The following SLC7A5 variants were observed in gnomAD, a reference collection of about 807,000 sequenced individuals.
The protein encoded by SLC7A5 is solute carrier family 7 member 5.
SLC7A5 carries 23 observed loss-of-function variants against 50.2 expected under a neutral mutation model. The observed-to-expected ratio is 0.46, with a 90% CI of 0.33 to 0.65. The LOEUF (loss-of-function observed/expected upper bound fraction) is 0.65. Ranked by LOEUF, SLC7A5 falls within the 30% of genes least tolerant of loss-of-function variation. SLC7A5 has a pLI of 0.02. For missense variants in SLC7A5, 578 were observed against 684.4 expected, an observed-to-expected ratio of 0.84 and a Z score of 1.73; for synonymous variants, 393 against 330.6, an observed-to-expected ratio of 1.19 and a Z score of -2.05.
chr16:87,835,789 A>G (rs1192042732), intron 8 of SLC7A5, among the ~76,000 whole-genome samples: 1 of 152,204 alleles, frequency 6.6e-6, no homozygotes, highest in Non-Finnish European at 1.5e-5. Context: ...CCCGTTCAAC[A>G]GCATTCACAG....
intron 7 of SLC7A5, chr16:87,837,624 T>C (rs936228502): frequency 1.9e-6 from 1 of 540,214 alleles, no homozygotes; most frequent in Non-Finnish European, 3.3e-6. Flanking sequence ...GCATTTCCGA[T>C]GGTCTGAATC....
At chr16:87,854,114 CAA>C (rs2055281241) in intron 1 of SLC7A5, 1 of 133,514 alleles carries the variant, frequency 7.5e-6, no homozygotes, top group African/African-American at 3.1e-5. Flanking sequence ...TGCCCAGTTC[CAA>C]CCCAGCCGCT....
chr16:87,836,901 G>A (rs1196539891), intron 7 of SLC7A5: 3 of 515,020 alleles, frequency 5.8e-6, no homozygotes, highest in Admixed American at 6.3e-5. Flanking sequence ...GGGAGGAGAG[G>A]AGGAAATGGA....
At position 87,860,385 on chromosome 16, in the gene SLC7A5, CACACACACACACACAT is replaced by C. The variant is rs1257445505; in HGVS notation, c.538+8484_538+8499del. On this transcript the variant is annotated intron_variant, in intron 1 of 9. Transcript: ENST00000261622. The surrounding 1 kb of genome is among the most constrained non-coding windows in gnomAD (Gnocchi z 4.8). ...ACACACACACACACACACACACACA[CACACACACACACACAT>C]ATATATATAAAGAAAAAGGAAATCT... is the stretch of plus-strand genomic sequence containing the variant. Among the ~76,000 whole-genome samples, 189 of 129,862 alleles carry C rather than the reference CACACACACACACACAT, an allele frequency of 1.5e-3. 7 individuals are homozygous for C. The highest frequency in any genetic ancestry group is 0.011 in the South Asian group (46 of 4,114). 85.2% of individuals were successfully genotyped at this position (129,862 alleles called of 152,430 possible). A position where few individuals can be genotyped will look rare whatever the true frequency, so the allele number is the denominator to read the frequency against.
intron 6 of SLC7A5, among the ~76,000 whole-genome samples, 199 bp downstream of exon 6, chr16:87,838,515 A>T (rs535600850): frequency 6.6e-6 from 1 of 152,054 alleles, no homozygotes; most frequent in Non-Finnish European, 1.5e-5. Flanking sequence ...CTGGTCTCGA[A>T]CTCCTGAGCT....
In SLC7A5 at chr16:87,852,986, C is replaced by G. The variant is rs919017308; in HGVS notation, c.539-1137G>C. Among the ~76,000 whole-genome samples the G allele has an allele frequency of 1.3e-5, 2 of 152,208 alleles. No homozygotes were observed. The highest frequency in any genetic ancestry group is 2.9e-5 in the Non-Finnish European group (2 of 68,044). On this transcript the variant is annotated intron_variant, in intron 1 of 9. Transcript: ENST00000261622. The surrounding 1 kb of genome is among the most constrained non-coding windows in gnomAD (Gnocchi z 4.5). The stretch of plus-strand genomic sequence containing the variant: ...ATCTGCCAGTGGGAACGTCTACACC[C>G]CAGAAGTGGGCAAAGGCCCAGCACG...
chr16:87,835,243 G>A (rs2054984379), intron 8 of SLC7A5, among the ~76,000 whole-genome samples: 1 of 152,220 alleles, frequency 6.6e-6, no homozygotes, highest in Non-Finnish European at 1.5e-5. Flanking sequence ...TGACTGCCCT[G>A]TCCCCAGGGA....
chr16:87,861,373 C>T lies in SLC7A5; in HGVS notation c.538+7512G>A, dbSNP rs1446942350. 6.6e-6 allele frequency among the ~76,000 whole-genome samples: 1 copy of T among 152,174 alleles called. No individual in the cohort carries two copies. The highest frequency in any genetic ancestry group is 1.5e-5 in the Non-Finnish European group (1 of 68,012). ...GGCCACCCAGTCTTGCTGACTGACA[C>T]CTCCCCAGACCCCTGGCACCCACCA... On this transcript the variant is annotated intron_variant, in intron 1 of 9. Transcript: ENST00000261622. This position sits in a 1 kb window ranked among gnomAD's most constrained non-coding sequence, Gnocchi z 4.2.
At chr16:87,840,278 C>T (rs575415987) in intron 4 of SLC7A5, 151 bp downstream of exon 4, 26 of 731,258 alleles carry the variant, frequency 3.6e-5, no homozygotes, top group South Asian at 2.3e-4. Flanking sequence ...AGAAGCCACC[C>T]GCCCCACATC....
chr16:87,869,415 C>A lies in SLC7A5; in HGVS notation c.8G>T (p.Gly3Val). Reference sequence around the variant, plus strand: ...TAGCGCGCGCCGCTTCGGGCCCGCACCCGCCATGCTCTGCGCACCGGCCGG... The same window carrying A: ...TAGCGCGCGCCGCTTCGGGCCCGCAACCGCCATGCTCTGCGCACCGGCCGG... MA[G>V]AGPKRRALAA... is the part of the protein sequence containing the mutation. Residue 3 changes from glycine (G) to valine (V), a missense_variant, in exon 1 of 10, where the codon GGT (glycine) becomes GTT (valine). By Grantham distance (109) the Gly-to-Val change is moderately radical. This residue lies in a region of SLC7A5 where 113 missense variants were observed against 89.8 expected (regional missense o/e 1.26). Transcript: ENST00000261622. 2.0e-6 allele frequency: 3 copies of A among 1,509,244 alleles called. No individual in the cohort carries two copies. The highest frequency in any genetic ancestry group is 2.6e-6 in the Non-Finnish European group (3 of 1,135,320). 93.5% of individuals were successfully genotyped at this position (1,509,244 alleles called of 1,614,324 possible).
chr16:87,850,881 G>A (rs1404685289), intron 2 of SLC7A5, among the ~76,000 whole-genome samples: 1 of 152,222 alleles, frequency 6.6e-6, no homozygotes, highest in East Asian at 1.9e-4. Context: ...CAGATCTATG[G>A]AGTGTGTGTT....
Position 87,834,402 on chromosome 16 carries a change from C to T in SLC7A5, c.1468+12G>A, listed in dbSNP as rs765952818. ...GAGGGTACCACGGGCTGTGGGCCAG[C>T]GAGATACTCACAGATGCCCTGGAGG... On this transcript the variant is annotated intron_variant, in intron 9 of 9. Coordinates refer to ENST00000261622, the MANE Select transcript of SLC7A5 (RefSeq NM_003486.7). 5.2e-6 allele frequency: 8 copies of T among 1,551,860 alleles called. No homozygotes were observed. The highest frequency in any genetic ancestry group is 2.4e-5 in the East Asian group (1 of 41,068).
At position 87,839,744 on chromosome 16, in the gene SLC7A5, G is replaced by C. The variant is rs776082625; in HGVS notation, c.897C>G (p.Thr299=). 15 of 1,613,762 alleles carry C rather than the reference G, an allele frequency of 9.3e-6. No individual in the cohort carries two copies. In the African/African-American group the frequency reaches 1.7e-4, roughly 19 times the overall value. ...YVLTNLAYFT[T]LSTEQMLSSE... is the part of the protein sequence containing the mutation. ...ACGACAGCATCTGCTCGGTGGACAG[G>C]GTGGTGAAGTAGGCCAGGTTGGTCA... Residue 299 remains threonine (T), a synonymous_variant, in exon 5 of 10, where the codon ACC becomes ACG. Coordinates refer to ENST00000261622, the MANE Select transcript of SLC7A5 (RefSeq NM_003486.7).
rs1007767891 is a variant in SLC7A5, at chr16:87,841,458, C to A, written c.665-303G>T. 2.6e-5 allele frequency among the ~76,000 whole-genome samples: 4 copies of A among 152,290 alleles called. No homozygotes were observed. The highest frequency in any genetic ancestry group is 9.6e-5 in the African/African-American group (4 of 41,558). ...CTACAGGAGGTCAGGATGGAGGGGT[C>A]AACCAGCCCCAGTTGCCTTCAAGAA... On this transcript the variant is annotated intron_variant, in intron 2 of 9. Transcript: ENST00000261622. This position sits in a 1 kb window ranked among gnomAD's most constrained non-coding sequence, Gnocchi z 4.8.
chr16:87,842,504 C>G (rs1189767081), intron 2 of SLC7A5, among the ~76,000 whole-genome samples: 5 of 152,262 alleles, frequency 3.3e-5, no homozygotes, highest in African/African-American at 1.2e-4. Flanking sequence ...CACCAGATTT[C>G]CTACGGCAGA....
At position 87,834,716 on chromosome 16, in the gene SLC7A5, T is replaced by C. The variant is rs2054976213; in HGVS notation, c.1291-125A>G. 5 of 947,304 alleles carry C rather than the reference T, an allele frequency of 5.3e-6. No individual in the cohort carries two copies. The East Asian group carries it at 1.3e-4, about 25-fold the overall frequency. 58.7% of individuals were successfully genotyped at this position (947,304 alleles called of 1,614,324 possible). On this transcript the variant is annotated intron_variant, in intron 8 of 9. Transcript: ENST00000261622. ...GCTGCTGACTTCCAGGTCACCAAGA[T>C]GCGATCTGCACTCCATCTGCCTCAC...
At chr16:87,851,423 G>C (rs1168005962) in intron 2 of SLC7A5, among the ~76,000 whole-genome samples, 1 of 152,192 alleles carries the variant, frequency 6.6e-6, no homozygotes, top group Admixed American at 6.5e-5. Context: ...ATCGCCCCCA[G>C]GTGAGGTTAC....
chr16:87,832,878 G>A lies in SLC7A5; in HGVS notation c.*92C>T. 2 of 1,029,680 alleles carry A rather than the reference G, an allele frequency of 1.9e-6. No individual in the cohort carries two copies. The highest frequency in any genetic ancestry group is 2.5e-5 in the South Asian group (2 of 79,222). 63.8% of individuals were successfully genotyped at this position (1,029,680 alleles called of 1,614,324 possible). Reference sequence around the variant, plus strand: ...AGGGACTGGGATGGGCAGCTGAGCTGTGGGTTGCGGGGAACCGGAGTGGGT... The same window carrying A: ...AGGGACTGGGATGGGCAGCTGAGCTATGGGTTGCGGGGAACCGGAGTGGGT... On this transcript the variant is annotated 3_prime_UTR_variant, in exon 10 of 10. Transcript: ENST00000261622. This position sits in a 1 kb window ranked among gnomAD's most constrained non-coding sequence, Gnocchi z 4.6.
At chr16:87,850,671 C>G (rs768966890) in intron 2 of SLC7A5, among the ~76,000 whole-genome samples, 48 of 152,244 alleles carry the variant, frequency 3.2e-4, no homozygotes, top group Non-Finnish European at 6.0e-4. Context: ...GAACTGCAGA[C>G]AGAGGCATCC....
Sources: allele counts gnomAD v4.1 joint callset (sites outside exome capture counted in the v4.1 genomes callset), GRCh38; gene constraint gnomAD v4.1.1; regional missense constraint gnomAD v4.1.1; non-coding constraint Gnocchi (gnomAD v3.1); transcripts MANE v1.5; gene names NCBI Gene and HGNC (gene_info 2026-07-23, HGNC 2026-07-21).